Variants in DNAH3 observed in about 807,000 individuals in gnomAD.
DNAH3 encodes the protein dynein axonemal heavy chain 3.
DNAH3 carries 332 observed loss-of-function variants against 432.5 expected under a neutral mutation model. The ratio of observed to expected loss-of-function variants is 0.77; its 90% CI spans 0.70 to 0.84. The LOEUF is 0.84. Ranked by LOEUF, DNAH3 falls within the 40% of genes least tolerant of loss-of-function variation. The pLI is 0.00. For missense variants in DNAH3, 4,861 were observed against 5,114.0 expected, an observed-to-expected ratio of 0.95 and a Z score of 1.51; for synonymous variants, 1,956 against 1,900.2, an observed-to-expected ratio of 1.03 and a Z score of -0.76.
chr16:20,997,330 AG>A lies in DNAH3; in HGVS notation c.6553del (p.Leu2185SerfsTer2). ...CCCGGGGGGCCCCATGGCTGTCACG[AG>A]CAGCATGTCCACGATGTCCAGCCTG... is the stretch of plus-strand genomic sequence containing the variant. On this transcript the variant is annotated frameshift_variant, in exon 44 of 62. Transcript: ENST00000261383. LOFTEE classifies it high-confidence loss of function. The A allele has an allele frequency of 6.2e-7, 1 of 1,614,134 alleles. No homozygotes were observed. The highest frequency in any genetic ancestry group is 8.5e-7 in the Non-Finnish European group (1 of 1,180,022).
chr16:20,944,662 G>A (rs1327353793), exon 58 of DNAH3: 2 of 1,613,876 alleles, frequency 1.2e-6, no homozygotes, highest in Non-Finnish European at 1.7e-6. Flanking sequence ...GTCGATATAG[G>A]ACTGGAAGGG....
At chr16:21,026,054 A>G (rs2088537793) in intron 38 of DNAH3, among the ~76,000 whole-genome samples, 1 of 152,122 alleles carries the variant, frequency 6.6e-6, no homozygotes, top group African/African-American at 2.4e-5. Flanking sequence ...AACTCGATTA[A>G]CAGGCATTTG....
chr16:20,979,575 G>A (rs2152656488), intron 49 of DNAH3, 29 bp from the exon 50 acceptor site: 5 of 1,601,688 alleles, frequency 3.1e-6, no homozygotes, highest in East Asian at 2.2e-5. Flanking sequence ...CGGTTAGGCA[G>A]GACCCAACAT....
At chr16:21,096,431 C>T (rs1010266609) in intron 18 of DNAH3, among the ~76,000 whole-genome samples, 2 of 152,052 alleles carry the variant, frequency 1.3e-5, no homozygotes, top group African/African-American at 4.8e-5. Context: ...TGCACCCAGA[C>T]AAGGATCTCT....
intron 41 of DNAH3, among the ~76,000 whole-genome samples, chr16:21,010,928 TA>T (rs1423681836): frequency 4.0e-5 from 6 of 151,268 alleles, no homozygotes; most frequent in Non-Finnish European, 5.9e-5. Flanking sequence ...TTTTGTTTTT[TA>T]AAAAAAACAA....
At chr16:21,121,108 G>A in intron 10 of DNAH3, 2 of 593,320 alleles carry the variant, frequency 3.4e-6, no homozygotes, top group South Asian at 3.1e-5. Context: ...TGCATGGAGA[G>A]AGTGAGAAGG....
In DNAH3 at chr16:20,964,055, G is replaced by A; in HGVS notation, c.9829C>T (p.Gln3277Ter). 1 of 1,614,174 alleles carries A rather than the reference G, an allele frequency of 6.2e-7. No individual in the cohort carries two copies. Among genetic ancestry groups the A allele is most frequent in the Non-Finnish European group, 8.5e-7 (1 of 1,180,040 alleles). ...GTTTCTGTCATGGAAGCAACTTTCT[G>A]TTTCTCTGAGATCTCTTCAGATAGC... Residue 3277 changes from glutamine to a stop codon, truncating the protein, a stop_gained, in exon 53 of 62, where the codon CAG becomes TAG. Transcript: ENST00000261383. LOFTEE classifies it high-confidence loss of function.
chr16:21,046,904 G>A (rs1443385149), intron 31 of DNAH3, among the ~76,000 whole-genome samples: 3 of 151,802 alleles, frequency 2.0e-5, no homozygotes, highest in African/African-American at 7.3e-5. Context: ...TTGCTTGTCT[G>A]TAAAGTATTT....
At chr16:21,125,433 G>A (rs769997801) in intron 8 of DNAH3, 63 bp from the exon 10 acceptor site, 66 of 1,423,680 alleles carry the variant, frequency 4.6e-5, no homozygotes, top group East Asian at 9.6e-5. Context: ...CCCACTTGCC[G>A]TGCCCCCTGA....
intron 1 of DNAH3, among the ~76,000 whole-genome samples, chr16:21,153,541 C>T (rs1263599856): frequency 1.3e-5 from 2 of 152,192 alleles, no homozygotes; most frequent in African/African-American, 2.4e-5. Flanking sequence ...CTGCCCGGGC[C>T]AGCAGTGGCA....
intron 19 of DNAH3, among the ~76,000 whole-genome samples, chr16:21,082,657 T>C (rs1396103116): frequency 6.6e-6 from 1 of 151,910 alleles, no homozygotes; most frequent in Non-Finnish European, 1.5e-5. Flanking sequence ...GGTGAAACCC[T>C]GTCTCTACTA....
intron 23 of DNAH3, among the ~76,000 whole-genome samples, chr16:21,068,315 T>G (rs2090645376): frequency 9.4e-6 from 1 of 105,922 alleles, no homozygotes; most frequent in African/African-American, 3.4e-5. Flanking sequence ...GTATATTACT[T>G]TTTTTTGGGT....
chr16:21,041,816 G>A (rs2089455481), intron 32 of DNAH3, among the ~76,000 whole-genome samples: 1 of 152,036 alleles, frequency 6.6e-6, no homozygotes, highest in Admixed American at 6.6e-5. Context: ...GGGATTACAG[G>A]TACATGCCAC....
At position 20,979,537 on chromosome 16, in the gene DNAH3, G is replaced by A. The variant is rs760914887; in HGVS notation, c.7869C>T (p.Ser2623=). Residue 2623 remains serine (S), a synonymous_variant, in exon 50 of 62, where the codon TCC becomes TCT. Transcript: ENST00000261383. ...CGCTCTCTTGGAAATATTTGCACAT[G>A]GACACGACCCTGCCGAGGACACCAA... The A allele has an allele frequency of 3.1e-6, 5 of 1,613,926 alleles. No individual in the cohort carries two copies. In the African/African-American group the frequency reaches 6.7e-5, roughly 22 times the overall value.
chr16:21,086,973 G>C, exon 19 of DNAH3: 3 of 1,614,174 alleles, frequency 1.9e-6, no homozygotes, highest in Non-Finnish European at 2.5e-6. Context: ...AGGCACATCA[G>C]ACAAGGTCTT....
At chr16:21,018,477 C>T (rs1357301397) in intron 41 of DNAH3, among the ~76,000 whole-genome samples, 4 of 152,058 alleles carry the variant, frequency 2.6e-5, no homozygotes, top group Non-Finnish European at 5.9e-5. Flanking sequence ...ACAAAAGCGA[C>T]TTAGAAGAAG....
chr16:21,155,920 T>C (rs2092894661), intron 1 of DNAH3, among the ~76,000 whole-genome samples: 1 of 152,126 alleles, frequency 6.6e-6, no homozygotes, highest in Non-Finnish European at 1.5e-5. Context: ...AGGCCTAAAA[T>C]AGTTGTTTAA....
At chr16:20,960,112 A>C (rs2084750940) in intron 53 of DNAH3, among the ~76,000 whole-genome samples, 1 of 152,166 alleles carries the variant, frequency 6.6e-6, no homozygotes, top group Non-Finnish European at 1.5e-5. Context: ...TATACTATTA[A>C]ATTTATATGA....
chr16:21,088,468 T>C (rs1036775489), intron 18 of DNAH3, among the ~76,000 whole-genome samples: 2 of 152,206 alleles, frequency 1.3e-5, no homozygotes, highest in African/African-American at 2.4e-5. Context: ...AGCATTTCTA[T>C]TAGAAGCAAT....
Sources: allele counts gnomAD v4.1 joint callset (sites outside exome capture counted in the v4.1 genomes callset), GRCh38; gene constraint gnomAD v4.1.1; transcripts MANE v1.5; gene names NCBI Gene and HGNC (gene_info 2026-07-23, HGNC 2026-07-21).